IMMP2L: variants seen among roughly 807,000 people sequenced by gnomAD.
IMMP2L encodes the protein inner mitochondrial membrane peptidase subunit 2.
A neutral mutation model predicts 19.3 loss-of-function variants in IMMP2L; 18 were observed. That is an observed-to-expected ratio of 0.93 (90% CI 0.64 to 1.38). The LOEUF (loss-of-function observed/expected upper bound fraction) is 1.38. IMMP2L is among the 40% of genes most tolerant of loss of function. The pLI is 0.00. For synonymous variants in IMMP2L, 76 were observed against 73.0 expected (o/e 1.04, Z -0.21); for missense variants, 233 against 218.2 (o/e 1.07, Z -0.43).
intron 1 of IMMP2L, among the ~76,000 whole-genome samples, chr7:111,524,573 A>G (rs1846657052): frequency 6.6e-6 from 1 of 152,132 alleles, no homozygotes; most frequent in African/African-American, 2.4e-5. Context: ...AAAATCAAAC[A>G]CTTCAGGTGA....
intron 5 of IMMP2L, among the ~76,000 whole-genome samples, chr7:110,703,849 A>T (rs911343876): frequency 2.7e-5 from 4 of 146,292 alleles, no homozygotes; most frequent in Non-Finnish European, 3.0e-5. Flanking sequence ...TAAGAGAATA[A>T]TTTTTTTTTT....
intron 3 of IMMP2L, among the ~76,000 whole-genome samples, chr7:111,450,604 C>T (rs1016958708): frequency 1.1e-4 from 16 of 148,310 alleles, no homozygotes; most frequent in African/African-American, 4.0e-4. Flanking sequence ...ACCATAAAAA[C>T]CCTAGAAGAA....
chr7:110,894,862 A>G (rs1438596942), intron 4 of IMMP2L, among the ~76,000 whole-genome samples: 1 of 152,108 alleles, frequency 6.6e-6, no homozygotes, highest in Non-Finnish European at 1.5e-5. Context: ...ATGCAGTCTG[A>G]GGTATGGTTC....
At chr7:110,702,703 A>G (rs776387594) in intron 5 of IMMP2L, among the ~76,000 whole-genome samples, 6 of 152,084 alleles carry the variant, frequency 3.9e-5, no homozygotes, top group African/African-American at 7.2e-5. Flanking sequence ...AACATTTTCA[A>G]TTTTCAATTG....
At chr7:111,410,096 T>C (rs926944181) in intron 3 of IMMP2L, among the ~76,000 whole-genome samples, 1 of 151,826 alleles carries the variant, frequency 6.6e-6, no homozygotes, top group African/African-American at 2.4e-5. Flanking sequence ...TAGGAATCTG[T>C]GCTGCATAGG....
chr7:110,906,173 T>C (rs1158411821), intron 4 of IMMP2L, among the ~76,000 whole-genome samples: 1 of 152,228 alleles, frequency 6.6e-6, no homozygotes, highest in Non-Finnish European at 1.5e-5. Context: ...TTTGGCTGTT[T>C]TTTTCTTACT....
chr7:111,346,518 A>G (rs1005472002), intron 3 of IMMP2L, among the ~76,000 whole-genome samples: 2 of 152,154 alleles, frequency 1.3e-5, no homozygotes, highest in Non-Finnish European at 2.9e-5. Context: ...ATGATCCAGG[A>G]AAAAGTGTGA....
At position 111,504,825 on chromosome 7, in the gene IMMP2L, G is replaced by C. The variant is rs1057192732; in HGVS notation, c.135+16488C>G. On this transcript the variant is annotated intron_variant, in intron 2 of 5. Transcript: ENST00000405709. ...ACACCTTATACAAAAATTAATTCAA[G>C]ATGGATTAAAGACTTACATGTTAGA... Among the ~76,000 whole-genome samples, 30 of 152,186 alleles carry C rather than the reference G, an allele frequency of 2.0e-4. 1 individual carries two copies. The South Asian group carries it at 5.4e-3, about 27-fold the overall frequency.
chr7:111,130,535 C>G (rs1414836246), intron 3 of IMMP2L, among the ~76,000 whole-genome samples: 3 of 152,040 alleles, frequency 2.0e-5, no homozygotes, highest in Non-Finnish European at 4.4e-5. Flanking sequence ...GATTCAAAAT[C>G]CAACTGTGAT....
chr7:111,331,189 A>T (rs1197345437), intron 3 of IMMP2L, among the ~76,000 whole-genome samples: 6 of 152,006 alleles, frequency 3.9e-5, no homozygotes, highest in Non-Finnish European at 8.8e-5. Context: ...GTGCCCATCA[A>T]TGGATGAATG....
chr7:111,172,415 T>G (rs188331627), intron 3 of IMMP2L, among the ~76,000 whole-genome samples: 1 of 151,754 alleles, frequency 6.6e-6, no homozygotes, highest in East Asian at 1.9e-4. Context: ...TACATTTTCA[T>G]ACATGTATAC....
At chr7:110,788,285 C>T (rs748713685) in intron 5 of IMMP2L, among the ~76,000 whole-genome samples, 33 of 152,022 alleles carry the variant, frequency 2.2e-4, no homozygotes, top group African/African-American at 8.0e-4. Context: ...AAGGAAGTAC[C>T]TCCTAAGGGT....
At chr7:110,799,057 A>G (rs1260649332) in intron 5 of IMMP2L, among the ~76,000 whole-genome samples, 1 of 152,004 alleles carries the variant, frequency 6.6e-6, no homozygotes, top group Non-Finnish European at 1.5e-5. Context: ...TGATTTACCG[A>G]ATTATAAATA....
At chr7:111,003,726 G>A (rs1823978579) in intron 3 of IMMP2L, among the ~76,000 whole-genome samples, 1 of 152,018 alleles carries the variant, frequency 6.6e-6, no homozygotes, top group Non-Finnish European at 1.5e-5. Context: ...TGCCCAGGCT[G>A]CTCTAGAACT....
intron 2 of IMMP2L, among the ~76,000 whole-genome samples, chr7:111,507,471 C>G (rs772033917): frequency 4.0e-5 from 6 of 151,840 alleles, no homozygotes; most frequent in Non-Finnish European, 8.8e-5. Flanking sequence ...GTTTAAGTAC[C>G]ATAAAACACA....
intron 3 of IMMP2L, among the ~76,000 whole-genome samples, chr7:111,128,325 CTG>C (rs777393990): frequency 2.0e-5 from 3 of 152,086 alleles, no homozygotes; most frequent in Non-Finnish European, 4.4e-5. Context: ...TACATGTTAA[CTG>C]TGTAATTTGG....
chr7:111,394,476 T>TTTTG (rs760098547), intron 3 of IMMP2L, among the ~76,000 whole-genome samples: 1 of 152,120 alleles, frequency 6.6e-6, no homozygotes, highest in Non-Finnish European at 1.5e-5. Flanking sequence ...TGAGTGCCAT[T>TTTTG]TTTGTTTGTT....
At chr7:110,813,295 CCTTTT>C (rs1207292381) in intron 5 of IMMP2L, among the ~76,000 whole-genome samples, 1 of 151,974 alleles carries the variant, frequency 6.6e-6, no homozygotes, top group Admixed American at 6.6e-5. Flanking sequence ...AACTGTTTTT[CCTTTT>C]TTTATTTGGT....
chr7:110,765,543 G>C (rs1266968528), intron 5 of IMMP2L, among the ~76,000 whole-genome samples: 1 of 151,978 alleles, frequency 6.6e-6, no homozygotes, highest in Non-Finnish European at 1.5e-5. Flanking sequence ...TTCTATTTAG[G>C]ATTCTATATT....
Sources: gnomAD v4.1 joint callset for allele counts (sites outside exome capture counted in the v4.1 genomes callset) on GRCh38, gnomAD v4.1.1 for gene constraint, MANE v1.5 for transcripts, NCBI Gene and HGNC (gene_info 2026-07-23, HGNC 2026-07-21) for gene names.